Variants in CYFIP1 observed in about 807,000 individuals in gnomAD.
CYFIP1 encodes the protein cytoplasmic FMR1 interacting protein 1, also known as cytoplasmic FMR1-interacting protein 1.
CYFIP1 carries 58 observed loss-of-function variants against 163.5 expected under a neutral mutation model. That is an observed-to-expected ratio of 0.35 (90% CI 0.29 to 0.44). CYFIP1 has a LOEUF of 0.44. CYFIP1 is among the 20% of genes least tolerant of loss of function. CYFIP1 has a pLI of 1.00. For synonymous variants in CYFIP1, 663 were observed against 660.7 expected, an observed-to-expected ratio of 1.00 and a Z score of -0.05; for missense variants, 1,338 against 1,653.8, an observed-to-expected ratio of 0.81 and a Z score of 3.31.
chr15:22,913,527 CAAAAAA>C (rs35228444), intron 17 of CYFIP1, among the ~76,000 whole-genome samples: 11 of 10,280 alleles, frequency 1.1e-3, no homozygotes, highest in African/African-American at 4.3e-3. Context: ...GGCTCTGTCT[CAAAAAA>C]AAAAAAAAAA....
intron 9 of CYFIP1, among the ~76,000 whole-genome samples, chr15:22,936,735 T>C (rs1216885854): frequency 6.6e-6 from 1 of 152,096 alleles, no homozygotes; most frequent in East Asian, 1.9e-4. Flanking sequence ...CCGCCAACAT[T>C]GGAACGGATA....
intron 27 of CYFIP1, 129 bp downstream of exon 27, chr15:22,875,070 C>T: frequency 1.3e-6 from 1 of 785,850 alleles, no homozygotes; most frequent in Non-Finnish European, 2.2e-6. Context: ...CTCCTCATTA[C>T]CCCTGGGTAT....
intron 13 of CYFIP1, among the ~76,000 whole-genome samples, chr15:22,925,745 T>G (rs904787804): frequency 6.6e-6 from 1 of 152,090 alleles, no homozygotes; most frequent in African/African-American, 2.4e-5. Flanking sequence ...CTGCTCTCCA[T>G]CCAGACGCAG....
intron 22 of CYFIP1, among the ~76,000 whole-genome samples, chr15:22,899,316 T>C (rs1416481238): frequency 6.6e-6 from 1 of 152,312 alleles, no homozygotes; most frequent in East Asian, 1.9e-4. Flanking sequence ...AGTATAAACT[T>C]ATAGTTTTAA....
rs1372602341 is a variant in CYFIP1, at chr15:22,868,615, T to G, written c.*1413A>C. The G allele has an allele frequency of 3.5e-5, 5 of 142,034 alleles. No individual in the cohort carries two copies. The highest frequency in any genetic ancestry group is 7.6e-5 in the Non-Finnish European group (5 of 65,430). 8.8% of individuals were successfully genotyped at this position (142,034 alleles called of 1,614,324 possible). A position where few individuals can be genotyped will look rare whatever the true frequency, so the allele number is the denominator to read the frequency against. ...TAGGGAACTTTTTATAAAGAAAGAA[T>G]AATTGTTTGTTAGGCTTCATGTCAC... is the stretch of plus-strand genomic sequence containing the variant. On this transcript the variant is annotated 3_prime_UTR_variant, in exon 31 of 31. Transcript: ENST00000617928.
intron 4 of CYFIP1, 99 bp downstream of exon 4, chr15:22,944,763 T>G: frequency 6.6e-7 from 1 of 1,523,636 alleles, no homozygotes; most frequent in Non-Finnish European, 9.1e-7. Flanking sequence ...GGGTGAGAAC[T>G]GGGAGGAGAG....
intron 22 of CYFIP1, among the ~76,000 whole-genome samples, chr15:22,897,804 T>C (rs2060282911): frequency 6.6e-6 from 1 of 152,184 alleles, no homozygotes; most frequent in Non-Finnish European, 1.5e-5. Context: ...TCCATTCTTC[T>C]TGCTAGTAGG....
At chr15:22,980,724 G>A (rs1033171760), upstream of CYFIP1, among the ~76,000 whole-genome samples, 1 of 152,110 alleles carries the variant, frequency 6.6e-6, no homozygotes, top group Non-Finnish European at 1.5e-5. Context: ...GTTGGCCTGA[G>A]CTGCGGAAGG....
Position 22,970,068 on chromosome 15 carries a change from T to C in CYFIP1, c.-7+10219A>G, listed in dbSNP as rs2063039510. Among the ~76,000 whole-genome samples the C allele has an allele frequency of 2.0e-5, 3 of 152,284 alleles. No homozygotes were observed. The South Asian group carries it at 6.2e-4, about 32-fold the overall frequency. On this transcript the variant is annotated intron_variant, in intron 1 of 30. Transcript: ENST00000617928. ...GAAGTTGCAGGATACAAAAGCAACATGTAAAAATCAGTTGCATTTCTATAT... is the reference window on the plus strand; with the variant it reads ...GAAGTTGCAGGATACAAAAGCAACACGTAAAAATCAGTTGCATTTCTATAT...
chr15:22,909,417 G>A (rs1045311752), intron 20 of CYFIP1, 104 bp from the exon 21 acceptor site: 133 of 1,462,084 alleles, frequency 9.1e-5, no homozygotes, highest in Non-Finnish European at 6.9e-5. Flanking sequence ...TGTCAATAAC[G>A]ACACCCTTTA....
rs952817602 is a variant in CYFIP1 at position 22,934,066 on chromosome 15, C to T, written c.901-173G>A. On this transcript the variant is annotated intron_variant, in intron 9 of 30. Transcript: ENST00000617928. ...ACTTCTACATTCGCTTTGAGAGGAA[C>T]AAAATACAATTTAAAAACCAACATC... is the stretch of plus-strand genomic sequence containing the variant. Among the ~76,000 whole-genome samples the T allele has an allele frequency of 7.5e-5, 10 of 134,190 alleles. No individual in the cohort carries two copies. In the East Asian group the frequency reaches 2.2e-3, roughly 30 times the overall value. The allele number at this position is 134,190 out of a possible 152,430, so 88.0% of individuals were successfully genotyped here. A position where few individuals can be genotyped will look rare whatever the true frequency, so the allele number is the denominator to read the frequency against.
intron 15 of CYFIP1, 132 bp from the exon 16 acceptor site, chr15:22,916,762 C>T (rs373024096): frequency 2.2e-5 from 35 of 1,605,602 alleles, no homozygotes; most frequent in African/African-American, 1.2e-4. Context: ...ACCAGCTCCC[C>T]GAGGGGTCCG....
At chr15:22,942,946 G>A (rs145919157) in intron 6 of CYFIP1, among the ~76,000 whole-genome samples, 110 of 152,334 alleles carry the variant, frequency 7.2e-4, no homozygotes, top group African/African-American at 2.4e-3. Context: ...GCCAGGGCAC[G>A]AAGAGCCTGC....
chr15:22,929,191 T>G (rs1595628695), intron 11 of CYFIP1, among the ~76,000 whole-genome samples: 1 of 142,388 alleles, frequency 7.0e-6, no homozygotes, highest in African/African-American at 2.7e-5. Flanking sequence ...TCACACGCCA[T>G]CCAGCCTGGG....
intron 23 of CYFIP1, 118 bp from the exon 24 acceptor site, chr15:22,883,129 A>G (rs1412249516): frequency 1.6e-6 from 2 of 1,240,854 alleles, no homozygotes; most frequent in Non-Finnish European, 1.1e-6. Flanking sequence ...GAGTCTACTG[A>G]CTTGTAAAAT....
At chr15:22,883,655 A>C (rs545030777) in intron 23 of CYFIP1, among the ~76,000 whole-genome samples, 1 of 152,098 alleles carries the variant, frequency 6.6e-6, no homozygotes, top group South Asian at 2.1e-4. Context: ...GTCTCTACTA[A>C]ATATACAAAA....
intron 17 of CYFIP1, among the ~76,000 whole-genome samples, chr15:22,913,547 A>G (rs1229196481): frequency 4.1e-5 from 6 of 147,632 alleles, no homozygotes; most frequent in African/African-American, 1.5e-4. Flanking sequence ...AAAAAAAAAA[A>G]AAAAGAAAGA....
At position 22,943,155 on chromosome 15, in the gene CYFIP1, C is replaced by A; in HGVS notation, c.569+18G>T. ...GGTGCTCTCGGGAGGGCCCGCAGTG[C>A]GCGAGGTGGGTGCTCACCTCTTGTA... On this transcript the variant is annotated intron_variant, in intron 6 of 30. Transcript: ENST00000617928. 1.2e-6 allele frequency: 2 copies of A among 1,612,196 alleles called. No individual in the cohort carries two copies. Among genetic ancestry groups the A allele is most frequent in the Middle Eastern group, 1.7e-4 (1 of 5,932 alleles).
chr15:22,915,679 GC>G (rs1451089046), intron 16 of CYFIP1, among the ~76,000 whole-genome samples: 2 of 152,144 alleles, frequency 1.3e-5, no homozygotes, highest in Admixed American at 1.3e-4. Context: ...AACCTGGGAG[GC>G]GGAGCTTGCA....
Sources: allele counts gnomAD v4.1 joint callset (sites outside exome capture counted in the v4.1 genomes callset), GRCh38; gene constraint gnomAD v4.1.1; transcripts MANE v1.5; gene names NCBI Gene and HGNC (gene_info 2026-07-23, HGNC 2026-07-21).